The following LARGE1 variants were observed in gnomAD, a reference collection of about 807,000 sequenced individuals.
LARGE1 encodes the protein LARGE xylosyl- and glucuronyltransferase 1, also known as xylosyl- and glucuronyltransferase LARGE1.
LARGE1 carries 43 observed loss-of-function variants against 87.6 expected under a neutral mutation model. That is an observed-to-expected ratio of 0.49 (90% CI 0.38 to 0.63). LARGE1 has a LOEUF of 0.63. Ranked by LOEUF, LARGE1 falls within the 30% of genes least tolerant of loss-of-function variation. The pLI is 0.00. For missense variants in LARGE1, 802 were observed against 1,000.2 expected, an observed-to-expected ratio of 0.80 and a Z score of 2.67; for synonymous variants, 434 against 394.6, an observed-to-expected ratio of 1.10 and a Z score of -1.18.
intron 6 of LARGE1, among the ~76,000 whole-genome samples, chr22:33,543,911 C>T (rs1288567765): frequency 6.6e-6 from 1 of 152,234 alleles, no homozygotes; most frequent in African/African-American, 2.4e-5. Context: ...CTGCTATTCT[C>T]TAAGAGCTCA....
intron 11 of LARGE1, among the ~76,000 whole-genome samples, chr22:33,254,521 C>T (rs755832616): frequency 6.6e-6 from 1 of 152,202 alleles, no homozygotes; most frequent in Non-Finnish European, 1.5e-5. Context: ...GTGGGGACAT[C>T]TCCTTTCAAA....
chr22:33,872,034 C>A (rs1344798161), intron 1 of LARGE1, among the ~76,000 whole-genome samples: 2 of 142,714 alleles, frequency 1.4e-5, no homozygotes, highest in Non-Finnish European at 3.0e-5. Context: ...GAATGAGGAA[C>A]TAGGGTGGCA....
At chr22:33,154,531 C>T in the LARGE1 span, among the ~76,000 whole-genome samples, 2 of 152,262 alleles carry the variant, frequency 1.3e-5, no homozygotes, top group African/African-American at 4.8e-5. Flanking sequence ...TGAGCCACTG[C>T]GCCCAGCCAG....
chr22:33,766,308 C>G (rs577919148), intron 1 of LARGE1, among the ~76,000 whole-genome samples: 1 of 152,288 alleles, frequency 6.6e-6, no homozygotes, highest in Non-Finnish European at 1.5e-5. Flanking sequence ...AACTCTTCGG[C>G]CAAGCTGGTC....
the LARGE1 span, among the ~76,000 whole-genome samples, chr22:33,148,946 TA>T: frequency 0.011 from 1,608 of 152,174 alleles, 35 homozygotes; most frequent in African/African-American, 0.035. Context: ...GAGAGTGATT[TA>T]AAAAATATAT....
intron 6 of LARGE1, among the ~76,000 whole-genome samples, chr22:33,480,360 A>G (rs767962503): frequency 1.3e-5 from 2 of 152,314 alleles, no homozygotes; most frequent in Admixed American, 6.5e-5. Context: ...TTTTCCATCC[A>G]TCTCATGTCT....
chr22:33,382,376 C>T (rs1038950799), intron 8 of LARGE1, among the ~76,000 whole-genome samples: 3 of 152,180 alleles, frequency 2.0e-5, no homozygotes, highest in Non-Finnish European at 4.4e-5. Flanking sequence ...TCTCCTTCCC[C>T]TCTGGCCTCC....
chr22:33,470,039 G>A (rs1410898178), intron 6 of LARGE1, among the ~76,000 whole-genome samples: 1 of 151,232 alleles, frequency 6.6e-6, no homozygotes, highest in Non-Finnish European at 1.5e-5. Flanking sequence ...ACAGGCTCCT[G>A]CCACCACGCC....
In LARGE1 at chr22:33,361,077, C is replaced by T. The variant is rs144635428; in HGVS notation, c.1131+20842G>A. On this transcript the variant is annotated intron_variant, in intron 9 of 14. Transcript: ENST00000397394. Reference sequence around the variant, plus strand: ...TAAAAATACAAAAATTACAGGCGTGCACCACCATGCCTGTAATCCCAGCTA... The same window carrying T: ...TAAAAATACAAAAATTACAGGCGTGTACCACCATGCCTGTAATCCCAGCTA... 2.1e-3 allele frequency among the ~76,000 whole-genome samples: 317 copies of T among 149,102 alleles called. 14 individuals carry two copies. The highest frequency in any genetic ancestry group is 7.5e-3 in the African/African-American group (305 of 40,572).
intron 3 of LARGE1, among the ~76,000 whole-genome samples, chr22:33,634,879 A>C (rs2080223445): frequency 1.3e-5 from 2 of 151,990 alleles, no homozygotes; most frequent in South Asian, 4.1e-4. Flanking sequence ...CTGTAATCCC[A>C]GCACTTTGGG....
intron 2 of LARGE1, among the ~76,000 whole-genome samples, chr22:33,674,982 A>T (rs767331512): frequency 2.1e-4 from 32 of 151,854 alleles, no homozygotes; most frequent in Admixed American, 1.3e-4. Context: ...AAAAAAAAAA[A>T]GTTTGTTTGC....
chr22:33,142,487 A>T, the LARGE1 span, among the ~76,000 whole-genome samples: 1 of 152,016 alleles, frequency 6.6e-6, no homozygotes, highest in Non-Finnish European at 1.5e-5. Flanking sequence ...CCTTGGGCAT[A>T]TTTCCCTCTT....
At chr22:33,404,818 T>C (rs1219642183) in intron 7 of LARGE1, among the ~76,000 whole-genome samples, 2 of 152,212 alleles carry the variant, frequency 1.3e-5, no homozygotes, top group African/African-American at 2.4e-5. Context: ...AGCCAAACTT[T>C]GCAGTATCTA....
chr22:33,135,282 A>C, the LARGE1 span, among the ~76,000 whole-genome samples: 1 of 152,090 alleles, frequency 6.6e-6, no homozygotes, highest in African/African-American at 2.4e-5. Context: ...CATTGTGCAA[A>C]GTTTCCCTTG....
chr22:33,739,058 G>A (rs537998912), intron 2 of LARGE1, among the ~76,000 whole-genome samples: 3 of 151,792 alleles, frequency 2.0e-5, no homozygotes, highest in East Asian at 1.9e-4. Flanking sequence ...CTCAGCGTAC[G>A]TACTTACTCT....
At chr22:33,862,419 G>A (rs1310086248) in intron 1 of LARGE1, among the ~76,000 whole-genome samples, 1 of 152,220 alleles carries the variant, frequency 6.6e-6, no homozygotes, top group Non-Finnish European at 1.5e-5. Context: ...GATCTTCTCA[G>A]GGAAGAGGAT....
chr22:33,698,280 G>A (rs915792331), intron 2 of LARGE1, among the ~76,000 whole-genome samples: 5 of 148,472 alleles, frequency 3.4e-5, no homozygotes, highest in Non-Finnish European at 7.4e-5. Flanking sequence ...TGACATGTTG[G>A]CCAGGCTGGT....
Position 33,899,287 on chromosome 22 carries a change from G to A in LARGE1, c.-83+20708C>T, listed in dbSNP as rs578038814. Among the ~76,000 whole-genome samples the A allele has an allele frequency of 2.8e-4, 42 of 152,192 alleles. 1 individual carries two copies. In the South Asian group the frequency reaches 5.4e-3, roughly 20 times the overall value. On this transcript the variant is annotated intron_variant, in intron 1 of 14. Transcript: ENST00000397394. ...TATAAAGGACTCAAAATCAAAACAG[G>A]CAAAAAAGTTACAGGCTCTCCCATG...
intron 9 of LARGE1, among the ~76,000 whole-genome samples, chr22:33,353,903 A>T (rs1281692925): frequency 6.6e-6 from 1 of 152,258 alleles, no homozygotes; most frequent in Non-Finnish European, 1.5e-5. Context: ...AGCAGGCACA[A>T]GCGCTGCTAG....
Sources: gnomAD v4.1 joint callset for allele counts (sites outside exome capture counted in the v4.1 genomes callset) on GRCh38, gnomAD v4.1.1 for gene constraint, MANE v1.5 for transcripts, NCBI Gene and HGNC (gene_info 2026-07-23, HGNC 2026-07-21) for gene names.